FMN2: variants seen among roughly 807,000 people sequenced by gnomAD.
FMN2 encodes formin-2.
Under a neutral mutation model 142.3 loss-of-function variants are expected in FMN2, and 51 were observed. That is an observed-to-expected ratio of 0.36 (90% confidence interval 0.29 to 0.45). FMN2 has a LOEUF of 0.45. FMN2 is among the 20% of genes least tolerant of loss of function. The probability of loss-of-function intolerance (pLI) is 1.00; values close to 1 mark genes in which losing one functional copy is unlikely to be tolerated. For synonymous variants in FMN2, 882 were observed against 869.8 expected (o/e 1.01, Z -0.25); for missense variants, 1,936 against 2,122.8 (o/e 0.91, Z 1.73).
intron 1 of FMN2, among the ~76,000 whole-genome samples, chr1:240,106,259 A>T (rs895270106): frequency 1.3e-4 from 20 of 152,068 alleles, no homozygotes; most frequent in African/African-American, 4.6e-4. Flanking sequence ...TAATTAAATG[A>T]TGCTTTCTCC....
intron 1 of FMN2, among the ~76,000 whole-genome samples, chr1:240,120,665 A>G (rs1458082799): frequency 1.3e-5 from 2 of 152,242 alleles, no homozygotes; most frequent in Non-Finnish European, 2.9e-5. Context: ...TAATTACACA[A>G]AGAAACTATG....
At chr1:240,155,991 C>T (rs971618060) in intron 2 of FMN2, among the ~76,000 whole-genome samples, 2 of 151,612 alleles carry the variant, frequency 1.3e-5, no homozygotes, top group Admixed American at 6.6e-5. Flanking sequence ...GTAATCCTAG[C>T]ACTTTAGGAG....
At chr1:240,192,011 T>G (rs1414134087) in intron 4 of FMN2, among the ~76,000 whole-genome samples, 1 of 152,160 alleles carries the variant, frequency 6.6e-6, no homozygotes, top group Non-Finnish European at 1.5e-5. Context: ...AGCACTGTCT[T>G]CCCCCATATG....
At chr1:240,329,194 G>A (rs1310263385) in intron 9 of FMN2, 27 bp downstream of exon 9, 3 of 1,613,014 alleles carry the variant, frequency 1.9e-6, no homozygotes, top group East Asian at 2.2e-5. Context: ...ACCACGTAGA[G>A]GGCGTCCAGG....
At chr1:240,118,970 A>C (rs1203591610) in intron 1 of FMN2, among the ~76,000 whole-genome samples, 1 of 152,102 alleles carries the variant, frequency 6.6e-6, no homozygotes, top group African/African-American at 2.4e-5. Context: ...ATCATCTGGA[A>C]GTGTTCATGG....
At chr1:240,217,744 G>C (rs569646002) in intron 6 of FMN2, among the ~76,000 whole-genome samples, 1 of 150,776 alleles carries the variant, frequency 6.6e-6, no homozygotes, top group South Asian at 2.1e-4. Flanking sequence ...ATTAACCTCT[G>C]CTTTTAAATT....
intron 2 of FMN2, chr1:240,144,611 AAC>A: frequency 7.6e-7 from 1 of 1,307,972 alleles, no homozygotes; most frequent in Non-Finnish European, 1.1e-6. Flanking sequence ...AAACTTTCAG[AAC>A]ACACCCAGGG....
intron 6 of FMN2, among the ~76,000 whole-genome samples, chr1:240,220,469 C>T (rs116621212): frequency 1.5e-3 from 233 of 152,198 alleles, no homozygotes; most frequent in African/African-American, 5.1e-3. Context: ...TGGAGAACCA[C>T]GGGAGACCTT....
At position 240,154,129 on chromosome 1, in the gene FMN2, A is replaced by AAAAAAAAAAAG. The variant is rs3047192; in HGVS notation, c.1783-23790_1783-23789insAAAAAAAAGAA. On this transcript the variant is annotated intron_variant, in intron 2 of 17. Transcript: ENST00000319653. Reference sequence around the variant, plus strand: ...CATCAAAAAAAAAAAAAAAAAAAAAAAAGTGTTACTACCTACAAGGCCTAC... The same window carrying AAAAAAAAAAAG: ...CATCAAAAAAAAAAAAAAAAAAAAAAAAAAAAAAAAGAAGTGTTACTACCTACAAGGCCTAC... Among the ~76,000 whole-genome samples, 373 of 102,108 alleles carry AAAAAAAAAAAG rather than the reference A, an allele frequency of 3.7e-3. 49 individuals are homozygous for AAAAAAAAAAAG. Among genetic ancestry groups the AAAAAAAAAAAG allele is most frequent in the Non-Finnish European group, 3.9e-3 (199 of 51,128 alleles). The allele number at this position is 102,108 out of a possible 152,430, so 67.0% of individuals were successfully genotyped here.
intron 1 of FMN2, among the ~76,000 whole-genome samples, chr1:240,120,920 G>C (rs1375337150): frequency 6.6e-6 from 1 of 152,202 alleles, no homozygotes; most frequent in Non-Finnish European, 1.5e-5. Flanking sequence ...CACTTCGGGA[G>C]GCTGAGGTAG....
intron 1 of FMN2, among the ~76,000 whole-genome samples, chr1:240,098,206 A>G (rs908007890): frequency 6.7e-6 from 1 of 149,858 alleles, no homozygotes; most frequent in African/African-American, 2.5e-5. Flanking sequence ...GGTTCAAGCA[A>G]TTCTCCTGCC....
chr1:240,413,470 T>G (rs1025486422), intron 15 of FMN2, among the ~76,000 whole-genome samples: 3 of 152,160 alleles, frequency 2.0e-5, no homozygotes, highest in African/African-American at 7.2e-5. Context: ...ATGTTGTAGC[T>G]CAGCTTCTGC....
At chr1:240,318,853 A>G (rs1558430470) in intron 8 of FMN2, among the ~76,000 whole-genome samples, 1 of 152,036 alleles carries the variant, frequency 6.6e-6, no homozygotes, top group Non-Finnish European at 1.5e-5. Flanking sequence ...CTGGATGTGG[A>G]AGTGAAATAT....
At chr1:240,323,499 C>A (rs1180828995) in intron 8 of FMN2, among the ~76,000 whole-genome samples, 1 of 152,062 alleles carries the variant, frequency 6.6e-6, no homozygotes, top group East Asian at 1.9e-4. Context: ...CTGGCCCAGA[C>A]CTTTGACCTT....
intron 6 of FMN2, among the ~76,000 whole-genome samples, chr1:240,213,781 G>A (rs746958688): frequency 1.3e-5 from 2 of 152,156 alleles, no homozygotes; most frequent in Non-Finnish European, 2.9e-5. Context: ...TAATTTTTCT[G>A]TGATCTCTGT....
At position 240,231,591 on chromosome 1, in the gene FMN2, G is replaced by C. The variant is rs569260721; in HGVS notation, c.4065+20356G>C. Among the ~76,000 whole-genome samples the C allele has an allele frequency of 5.3e-5, 8 of 152,266 alleles. 1 individual carries two copies. The South Asian group carries it at 1.7e-3, about 32-fold the overall frequency. On this transcript the variant is annotated intron_variant, in intron 6 of 17. Coordinates refer to ENST00000319653, the MANE Select transcript of FMN2 (RefSeq NM_020066.5). The stretch of plus-strand genomic sequence containing the variant: ...TGAAGGCATAGAAATTTGAGGGCCT[G>C]AGGTGTTTAATCTGGCATGATTTGT...
At chr1:240,349,141 C>A (rs1036074047) in intron 13 of FMN2, among the ~76,000 whole-genome samples, 1 of 152,156 alleles carries the variant, frequency 6.6e-6, no homozygotes, top group African/African-American at 2.4e-5. Flanking sequence ...TTTTGGAGAC[C>A]AAGTGTAGAG....
At chr1:240,143,076 T>C in intron 2 of FMN2, 1 of 1,514,552 alleles carries the variant, frequency 6.6e-7, no homozygotes, top group Non-Finnish European at 9.1e-7. Flanking sequence ...AAGTGTACCC[T>C]TCCCTAAATG....
chr1:240,223,079 G>T (rs1019682936), intron 6 of FMN2, among the ~76,000 whole-genome samples: 3 of 152,170 alleles, frequency 2.0e-5, no homozygotes, highest in African/African-American at 7.2e-5. Context: ...CAAAAGGAAT[G>T]CTTCCATCTT....
Sources: gnomAD v4.1 joint callset for allele counts (sites outside exome capture counted in the v4.1 genomes callset) on GRCh38, gnomAD v4.1.1 for gene constraint, MANE v1.5 for transcripts, NCBI Gene and HGNC (gene_info 2026-07-23, HGNC 2026-07-21) for gene names.